FRMD4A: variants seen among roughly 807,000 people sequenced by gnomAD.
FRMD4A encodes the protein FERM domain containing 4A, also known as FERM domain-containing protein 4A.
A neutral mutation model predicts 129.1 loss-of-function variants in FRMD4A; 29 were observed. The ratio of observed to expected loss-of-function variants is 0.22; its 90% CI spans 0.17 to 0.31. FRMD4A has a LOEUF of 0.31. Among genes scored for constraint, FRMD4A ranks in the 10% least tolerant of loss-of-function variants. FRMD4A has a pLI of 1.00. For missense variants in FRMD4A, 1,272 were observed against 1,375.8 expected (o/e 0.92, Z 1.19); for synonymous variants, 634 against 571.6 (o/e 1.11, Z -1.56).
chr10:13,994,027 T>TTTTGG, intron 2 of FRMD4A, among the ~76,000 whole-genome samples: 1 of 150,924 alleles, frequency 6.6e-6, no homozygotes, highest in Admixed American at 6.6e-5. Context: ...TTTTTTTTTT[T>TTTTGG]GAGATGGAGC....
At chr10:13,794,095 G>A (rs2093061852) in intron 5 of FRMD4A, among the ~76,000 whole-genome samples, 1 of 152,098 alleles carries the variant, frequency 6.6e-6, no homozygotes, top group African/African-American at 2.4e-5. Context: ...GGGCAGTACA[G>A]AGGGAGATTT....
At chr10:14,125,182 G>A in intron 2 of FRMD4A, among the ~76,000 whole-genome samples, 1 of 152,188 alleles carries the variant, frequency 6.6e-6, no homozygotes, top group East Asian at 1.9e-4. Context: ...CACCGTCGAT[G>A]ACTATGCTCT....
At chr10:14,113,537 A>G (rs995925048) in intron 2 of FRMD4A, among the ~76,000 whole-genome samples, 7 of 152,186 alleles carry the variant, frequency 4.6e-5, no homozygotes, top group African/African-American at 1.7e-4. Flanking sequence ...GATCAACAGT[A>G]GACTATTAGT....
chr10:14,204,522 CGTCACG>C (rs780854411), intron 2 of FRMD4A, among the ~76,000 whole-genome samples: 1 of 152,106 alleles, frequency 6.6e-6, no homozygotes, highest in Non-Finnish European at 1.5e-5. Context: ...AATTATCACA[CGTCACG>C]GTGAATTGCC....
intron 3 of FRMD4A, among the ~76,000 whole-genome samples, chr10:13,844,080 G>A (rs980963063): frequency 1.3e-5 from 2 of 152,180 alleles, no homozygotes; most frequent in Non-Finnish European, 2.9e-5. Context: ...GTATGTAGGA[G>A]AGTGTGTGTG....
chr10:13,920,851 T>C (rs752340863), intron 2 of FRMD4A, among the ~76,000 whole-genome samples: 1 of 152,232 alleles, frequency 6.6e-6, no homozygotes, highest in Non-Finnish European at 1.5e-5. Context: ...ACTTAGCATG[T>C]GACCAGTTAT....
intron 2 of FRMD4A, among the ~76,000 whole-genome samples, chr10:14,306,191 C>A (rs1331975200): frequency 6.6e-6 from 1 of 152,180 alleles, no homozygotes. Context: ...GAAAGAAATT[C>A]TCTGTTCACA....
chr10:14,011,169 C>T (rs916567294), intron 2 of FRMD4A, among the ~76,000 whole-genome samples: 7 of 152,172 alleles, frequency 4.6e-5, no homozygotes, highest in African/African-American at 1.7e-4. Context: ...GTTTGGAAAT[C>T]CCAAAGGAAG....
chr10:13,993,837 T>G (rs12412081), intron 2 of FRMD4A, among the ~76,000 whole-genome samples: 43,227 of 144,668 alleles, frequency 0.3, 7,277 homozygotes, highest in East Asian at 0.75. Flanking sequence ...CCTGTCAGAA[T>G]AGGTTTTTTT....
At chr10:13,942,341 G>A (rs1046677891) in intron 2 of FRMD4A, among the ~76,000 whole-genome samples, 4 of 152,128 alleles carry the variant, frequency 2.6e-5, no homozygotes, top group African/African-American at 4.8e-5. Context: ...CAGCCAGGGC[G>A]AACCTGCAAT....
intron 6 of FRMD4A, among the ~76,000 whole-genome samples, chr10:13,767,828 G>T (rs2092335518): frequency 6.6e-6 from 1 of 152,142 alleles, no homozygotes; most frequent in African/African-American, 2.4e-5. Flanking sequence ...TTGGAGGGAG[G>T]GGTTTCTGCA....
At chr10:13,969,585 C>T (rs1373110330) in intron 2 of FRMD4A, among the ~76,000 whole-genome samples, 4 of 152,118 alleles carry the variant, frequency 2.6e-5, no homozygotes, top group Admixed American at 6.5e-5. Flanking sequence ...ATGTGGTGGC[C>T]GACACCTGTT....
At chr10:14,052,106 G>A (rs963709657) in intron 2 of FRMD4A, among the ~76,000 whole-genome samples, 11 of 152,188 alleles carry the variant, frequency 7.2e-5, no homozygotes, top group African/African-American at 2.7e-4. Context: ...GCAGTGAAGT[G>A]TCTACAAGCC....
chr10:14,133,024 T>A (rs1839343485), intron 2 of FRMD4A, among the ~76,000 whole-genome samples: 1 of 152,208 alleles, frequency 6.6e-6, no homozygotes, highest in Non-Finnish European at 1.5e-5. Flanking sequence ...AAGATCAGAA[T>A]AAGGATAATA....
At chr10:13,950,411 G>A (rs570847265) in intron 2 of FRMD4A, among the ~76,000 whole-genome samples, 147 of 152,314 alleles carry the variant, frequency 9.7e-4, no homozygotes, top group African/African-American at 3.4e-3. Flanking sequence ...TTAACACTGT[G>A]TTGATCTAGC....
chr10:14,142,683 G>A (rs1003186830), intron 2 of FRMD4A, among the ~76,000 whole-genome samples: 1 of 152,256 alleles, frequency 6.6e-6, no homozygotes. Flanking sequence ...GTCCAGATGG[G>A]TAAAGAGAAG....
At chr10:13,777,929 A>C (rs1346369575) in intron 6 of FRMD4A, among the ~76,000 whole-genome samples, 1 of 150,324 alleles carries the variant, frequency 6.7e-6, no homozygotes, top group African/African-American at 2.5e-5. Context: ...GAGCCTCCCG[A>C]GTAGCTGGGA....
chr10:14,318,932 G>A (rs1408368645), intron 2 of FRMD4A, among the ~76,000 whole-genome samples: 7 of 152,202 alleles, frequency 4.6e-5, no homozygotes, highest in Non-Finnish European at 2.9e-5. Flanking sequence ...TAGGTTATGA[G>A]CGATCATATG....
chr10:13,669,654 A>C (rs1419699156), intron 17 of FRMD4A, among the ~76,000 whole-genome samples: 1 of 152,236 alleles, frequency 6.6e-6, no homozygotes, highest in Non-Finnish European at 1.5e-5. Flanking sequence ...TTCCTTCAGA[A>C]GAAATCTGGG....
Sources: gnomAD v4.1 joint callset for allele counts (sites outside exome capture counted in the v4.1 genomes callset) on GRCh38, gnomAD v4.1.1 for gene constraint, MANE v1.5 for transcripts, NCBI Gene and HGNC (gene_info 2026-07-23, HGNC 2026-07-21) for gene names.